EYS: variants seen among roughly 807,000 people sequenced by gnomAD.
The protein encoded by EYS is EGF-like photoreceptor maintenance factor.
A neutral mutation model predicts 282.1 loss-of-function variants in EYS; 250 were observed. That is an observed-to-expected ratio of 0.89 (90% CI 0.80 to 0.98). The LOEUF (loss-of-function observed/expected upper bound fraction) is 0.98. EYS is among the 50% of genes least tolerant of loss of function. The pLI is 0.00. For missense variants in EYS, 4,016 were observed against 3,709.0 expected (o/e 1.08, Z -2.15); for synonymous variants, 1,355 against 1,282.9 (o/e 1.06, Z -1.20).
At chr6:63,940,670 CG>C (rs912505579) in intron 35 of EYS, among the ~76,000 whole-genome samples, 1 of 149,910 alleles carries the variant, frequency 6.7e-6, no homozygotes, top group Non-Finnish European at 1.5e-5. Context: ...TGCCTGAATA[CG>C]TTTTTTTTTC....
chr6:63,875,564 A>G (rs1772945822), intron 35 of EYS, among the ~76,000 whole-genome samples: 6 of 151,946 alleles, frequency 3.9e-5, no homozygotes, highest in Admixed American at 3.9e-4. Context: ...TCCTCCTTGT[A>G]CCTCTGGTAG....
chr6:64,638,233 G>A (rs898180665), intron 22 of EYS, among the ~76,000 whole-genome samples: 1 of 91,570 alleles, frequency 1.1e-5, no homozygotes, highest in African/African-American at 4.1e-5. Flanking sequence ...GAAGAATGTA[G>A]GACCTTCTGA....
rs367564809 is a variant in EYS, at chr6:65,075,643, C to T, written c.2024-17916G>A. Among the ~76,000 whole-genome samples the T allele has an allele frequency of 9.9e-5, 15 of 151,992 alleles. No individual in the cohort carries two copies. In the East Asian group the frequency reaches 2.7e-3, roughly 28 times the overall value. On this transcript the variant is annotated intron_variant, in intron 12 of 42. Coordinates refer to ENST00000503581, the MANE Select transcript of EYS (RefSeq NM_001142800.2). Reference sequence around the variant, plus strand: ...TATCAGTCTTTTAGTTCAGAAAGCTCTTATGATTCCACCTACACAGAATAC... The same window carrying T: ...TATCAGTCTTTTAGTTCAGAAAGCTTTTATGATTCCACCTACACAGAATAC...
At chr6:64,082,870 A>C (rs961400949) in intron 31 of EYS, among the ~76,000 whole-genome samples, 2 of 151,864 alleles carry the variant, frequency 1.3e-5, no homozygotes, top group South Asian at 2.1e-4. Context: ...TGAAAATGCA[A>C]CTTCTTTAAC....
At chr6:64,641,265 C>T (rs970640329) in intron 22 of EYS, among the ~76,000 whole-genome samples, 3 of 152,096 alleles carry the variant, frequency 2.0e-5, no homozygotes, top group African/African-American at 7.2e-5. Flanking sequence ...CAGGGAAACT[C>T]CCCTTTTGAA....
chr6:64,779,342 A>G (rs1554202502), intron 22 of EYS, among the ~76,000 whole-genome samples: 1 of 152,102 alleles, frequency 6.6e-6, no homozygotes, highest in Non-Finnish European at 1.5e-5. Flanking sequence ...CACAAAAATG[A>G]CATGGAGGAC....
chr6:64,132,783 G>C (rs953648105), intron 31 of EYS, among the ~76,000 whole-genome samples: 1 of 149,768 alleles, frequency 6.7e-6, no homozygotes, highest in Non-Finnish European at 1.5e-5. Flanking sequence ...ATAAACCAAA[G>C]AAACAAATAT....
chr6:64,569,516 G>A (rs1051776988), intron 26 of EYS, among the ~76,000 whole-genome samples: 3 of 151,828 alleles, frequency 2.0e-5, no homozygotes, highest in African/African-American at 7.3e-5. Context: ...CGGAGGTGGG[G>A]GGGTCACGAG....
At chr6:63,758,654 C>T (rs551997242) in intron 41 of EYS, among the ~76,000 whole-genome samples, 35 of 152,130 alleles carry the variant, frequency 2.3e-4, no homozygotes, top group Admixed American at 8.5e-4. Context: ...TATAAGAACA[C>T]GGCACTAGAA....
chr6:65,079,818 T>A (rs572851498), intron 12 of EYS, among the ~76,000 whole-genome samples: 1 of 152,046 alleles, frequency 6.6e-6, no homozygotes, highest in Non-Finnish European at 1.5e-5. Context: ...CCACCTCCCT[T>A]ATTGTTTCCC....
intron 12 of EYS, among the ~76,000 whole-genome samples, chr6:65,161,915 T>A (rs560477351): frequency 2.6e-5 from 4 of 151,294 alleles, no homozygotes; most frequent in African/African-American, 9.7e-5. Context: ...AATTGAAATA[T>A]TTTTAGTTTC....
At chr6:64,485,162 C>A (rs1301520449) in intron 26 of EYS, among the ~76,000 whole-genome samples, 4 of 151,502 alleles carry the variant, frequency 2.6e-5, no homozygotes, top group Non-Finnish European at 5.9e-5. Flanking sequence ...AAATAAGGGT[C>A]CAGCTTAAGG....
At chr6:64,330,744 T>C (rs1332108329) in intron 29 of EYS, among the ~76,000 whole-genome samples, 1 of 152,186 alleles carries the variant, frequency 6.6e-6, no homozygotes, top group African/African-American at 2.4e-5. Flanking sequence ...CATCACCCTG[T>C]TGGAGCAGAG....
At chr6:63,857,236 G>A (rs184425807) in intron 36 of EYS, among the ~76,000 whole-genome samples, 1 of 152,224 alleles carries the variant, frequency 6.6e-6, no homozygotes, top group East Asian at 1.9e-4. Context: ...TCAGAAAGAA[G>A]GAAGATTTGG....
chr6:64,543,572 C>A (rs1030194719), intron 26 of EYS, among the ~76,000 whole-genome samples: 1 of 152,006 alleles, frequency 6.6e-6, no homozygotes, highest in Non-Finnish European at 1.5e-5. Flanking sequence ...CTTAAAGGCT[C>A]TATCACAAAA....
intron 42 of EYS, among the ~76,000 whole-genome samples, chr6:63,723,902 A>G (rs1161206951): frequency 6.6e-6 from 1 of 151,018 alleles, no homozygotes; most frequent in African/African-American, 2.4e-5. Flanking sequence ...GCTCACTGCA[A>G]CCTCCATCTC....
chr6:65,413,670 C>A (rs549011551), intron 5 of EYS, among the ~76,000 whole-genome samples: 200 of 151,910 alleles, frequency 1.3e-3, no homozygotes, highest in African/African-American at 4.7e-3. Context: ...CCAGCCTGGC[C>A]AATATGGTGA....
At chr6:63,750,336 TG>T (rs1356169166) in intron 41 of EYS, among the ~76,000 whole-genome samples, 1 of 152,194 alleles carries the variant, frequency 6.6e-6, no homozygotes, top group Non-Finnish European at 1.5e-5. Flanking sequence ...TGTAATTTTT[TG>T]CTTGGGTTTG....
At chr6:64,863,946 T>C (rs1326501677) in intron 19 of EYS, among the ~76,000 whole-genome samples, 2 of 152,200 alleles carry the variant, frequency 1.3e-5, no homozygotes, top group African/African-American at 4.8e-5. Context: ...TGATCTCTAT[T>C]ATCTGTATGG....
Sources: allele counts gnomAD v4.1 joint callset (sites outside exome capture counted in the v4.1 genomes callset), GRCh38; gene constraint gnomAD v4.1.1; transcripts MANE v1.5; gene names NCBI Gene and HGNC (gene_info 2026-07-23, HGNC 2026-07-21).